Variants in ANK2 observed in about 807,000 individuals in gnomAD.
ANK2 encodes the protein ankyrin-2.
Under a neutral mutation model 360.5 loss-of-function variants are expected in ANK2, and 83 were observed. That is an observed-to-expected ratio of 0.23 (90% CI 0.19 to 0.28). The LOEUF (loss-of-function observed/expected upper bound fraction) is 0.28, where lower values mean the gene tolerates loss of function less well. Ranked by LOEUF, ANK2 falls within the 10% of genes least tolerant of loss-of-function variation. ANK2 has a pLI of 1.00. For synonymous variants in ANK2, 1,740 were observed against 1,759.5 expected, an observed-to-expected ratio of 0.99 and a Z score of 0.28; for missense variants, 4,201 against 4,795.7, an observed-to-expected ratio of 0.88 and a Z score of 3.66.
the ANK2 span, among the ~76,000 whole-genome samples, chr4:112,789,653 A>G: frequency 4.6e-5 from 7 of 152,178 alleles, no homozygotes; most frequent in Admixed American, 4.6e-4. Flanking sequence ...GATTTCCCTC[A>G]GGGATATGTA....
intron 2 of ANK2, among the ~76,000 whole-genome samples, chr4:112,987,801 A>T (rs2045449279): frequency 6.6e-6 from 1 of 152,154 alleles, no homozygotes; most frequent in African/African-American, 2.4e-5. Context: ...TATAACATAT[A>T]TGTTATAGAA....
chr4:113,059,903 C>T (rs557959662), intron 1 of ANK2, among the ~76,000 whole-genome samples: 3 of 152,216 alleles, frequency 2.0e-5, no homozygotes, highest in African/African-American at 7.2e-5. Flanking sequence ...CCATAAGAGC[C>T]AGTTATCTTC....
At chr4:113,188,613 A>G (rs2098593542) in intron 2 of ANK2, among the ~76,000 whole-genome samples, 1 of 152,214 alleles carries the variant, frequency 6.6e-6, no homozygotes, top group Non-Finnish European at 1.5e-5. Flanking sequence ...TTAATTAAAT[A>G]TGATTATCCA....
chr4:112,814,982 A>G (rs1189370462), upstream of ANK2, among the ~76,000 whole-genome samples: 2 of 151,038 alleles, frequency 1.3e-5, no homozygotes, highest in African/African-American at 4.9e-5. Flanking sequence ...GAGATCAGCA[A>G]AATTCCAAGA....
chr4:113,186,604 T>C (rs993302233), intron 2 of ANK2, among the ~76,000 whole-genome samples: 6 of 128,304 alleles, frequency 4.7e-5, no homozygotes, highest in Admixed American at 1.7e-4. Context: ...TCTCTCTCTC[T>C]CTCCCTCACT....
intron 37 of ANK2, among the ~76,000 whole-genome samples, chr4:113,351,900 T>C (rs2095435450): frequency 1.3e-5 from 2 of 152,202 alleles, no homozygotes; most frequent in South Asian, 2.1e-4. Flanking sequence ...AAGTGCTCTG[T>C]GGAAGGGACT....
chr4:112,873,836 C>CTGGCTAATTTTTTGTATTTTTAGTAGAGA (rs2074101189), intron 1 of ANK2, among the ~76,000 whole-genome samples: 1 of 151,926 alleles, frequency 6.6e-6, no homozygotes, highest in Non-Finnish European at 1.5e-5. Context: ...GCCACCATGC[C>CTGGCTAATTTTTTGTATTTTTAGTAGAGA]CGGCCCCTGT....
rs569665698 is a variant in ANK2 at position 113,380,577 on chromosome 4, G to A, written c.11860-880G>A. On this transcript the variant is annotated intron_variant, in intron 45 of 45. Transcript: ENST00000357077. ...CTCAGGAGGCTGAGGCCAGAGAATCGCTTGAACCCGGGAGGCAGAGGTTGC... is the reference window on the plus strand; with the variant it reads ...CTCAGGAGGCTGAGGCCAGAGAATCACTTGAACCCGGGAGGCAGAGGTTGC... Among the ~76,000 whole-genome samples, 406 of 152,304 alleles carry A rather than the reference G, an allele frequency of 2.7e-3. 2 individuals are homozygous for A. The highest frequency in any genetic ancestry group is 4.7e-3 in the Non-Finnish European group (318 of 68,022).
the ANK2 span, among the ~76,000 whole-genome samples, chr4:112,705,878 C>G: frequency 6.6e-6 from 1 of 151,862 alleles, no homozygotes; most frequent in Non-Finnish European, 1.5e-5. Context: ...TGCCCAGCCC[C>G]GCGGCCAAGG....
rs143591931 is a variant in ANK2 at position 112,953,890 on chromosome 4, C to G, written c.21+49376C>G. Among the ~76,000 whole-genome samples the G allele has an allele frequency of 2.9e-3, 447 of 152,134 alleles. 7 individuals carry two copies. Among genetic ancestry groups the G allele is most frequent in the African/African-American group, 9.9e-3 (411 of 41,518 alleles). ...AATCCCAGTTTTTCAGTTTTTTAGG[C>G]AGTTGAAGTCACATAAACAGATTAT... is the stretch of plus-strand genomic sequence containing the variant. On this transcript the variant is annotated intron_variant, in intron 2 of 30. Transcript: ENST00000503271.
intron 1 of ANK2, among the ~76,000 whole-genome samples, chr4:113,085,001 A>G (rs2083967980): frequency 6.6e-6 from 1 of 152,204 alleles, no homozygotes; most frequent in South Asian, 2.1e-4. Flanking sequence ...TTATAATCCA[A>G]ATAATCCAGG....
chr4:113,186,206 A>G (rs1178008711), intron 2 of ANK2, among the ~76,000 whole-genome samples: 1 of 152,210 alleles, frequency 6.6e-6, no homozygotes, highest in African/African-American at 2.4e-5. Context: ...AGAGGAAGGA[A>G]CAGGCAGGAA....
At position 113,148,417 on chromosome 4, in the gene ANK2, CCTT is replaced by C. The variant is rs772311937; in HGVS notation, c.85-25995_85-25993del. 3.9e-5 allele frequency among the ~76,000 whole-genome samples: 6 copies of C among 152,090 alleles called. No homozygotes were observed. The East Asian group carries it at 9.6e-4, about 24-fold the overall frequency. ...CTAGCTGATTTTCAAGTTATCACAT[CCTT>C]CTTTTTTTTACCAGTTTACTCTCAG... On this transcript the variant is annotated intron_variant, in intron 1 of 45. Transcript: ENST00000357077.
intron 1 of ANK2, among the ~76,000 whole-genome samples, chr4:113,168,382 C>A (rs1412331878): frequency 6.6e-6 from 1 of 152,158 alleles, no homozygotes; most frequent in Admixed American, 6.5e-5. Context: ...CTTTCTTCTT[C>A]CCCTAACTAA....
At chr4:113,278,736 CTTTTTTAAGA>C (rs1563370533) in intron 17 of ANK2, among the ~76,000 whole-genome samples, 178 bp downstream of exon 17, 3 of 151,858 alleles carry the variant, frequency 2.0e-5, no homozygotes, top group African/African-American at 4.8e-5. Context: ...TCTTGAAAAT[CTTTTTTAAGA>C]TTTTTTAAGA....
At chr4:112,850,368 T>C (rs971293937) in intron 1 of ANK2, among the ~76,000 whole-genome samples, 1 of 145,426 alleles carries the variant, frequency 6.9e-6, no homozygotes, top group Non-Finnish European at 1.5e-5. Flanking sequence ...CACCCATTCA[T>C]CTCTCTGTCC....
intron 36 of ANK2, among the ~76,000 whole-genome samples, chr4:113,348,849 A>C (rs559471423): frequency 1.3e-5 from 2 of 152,206 alleles, no homozygotes; most frequent in East Asian, 3.9e-4. Flanking sequence ...TAATATGGAT[A>C]TCTATTTATA....
chr4:113,245,610 A>G (rs1435236126), intron 9 of ANK2, among the ~76,000 whole-genome samples: 1 of 152,152 alleles, frequency 6.6e-6, no homozygotes, highest in Non-Finnish European at 1.5e-5. Flanking sequence ...TCACAAAAAT[A>G]GCATGAGGGT....
At chr4:112,905,402 A>G (rs1475928729) in intron 2 of ANK2, among the ~76,000 whole-genome samples, 1 of 152,208 alleles carries the variant, frequency 6.6e-6, no homozygotes, top group Non-Finnish European at 1.5e-5. Context: ...TAGCTTTTTA[A>G]TAAAATTGCA....
Sources: allele counts gnomAD v4.1 joint callset (sites outside exome capture counted in the v4.1 genomes callset), GRCh38; gene constraint gnomAD v4.1.1; transcripts MANE v1.5; gene names NCBI Gene and HGNC (gene_info 2026-07-23, HGNC 2026-07-21).